Variants in SLC24A3 observed in about 807,000 individuals in gnomAD.
SLC24A3 encodes sodium/potassium/calcium exchanger 3.
Under a neutral mutation model 75.8 loss-of-function variants are expected in SLC24A3, and 28 were observed. That is an observed-to-expected ratio of 0.37 (90% confidence interval 0.27 to 0.51). The LOEUF (loss-of-function observed/expected upper bound fraction) is 0.51. Ranked by LOEUF, SLC24A3 falls within the 20% of genes least tolerant of loss-of-function variation. The probability of loss-of-function intolerance (pLI) is 0.94; values close to 1 mark genes in which losing one functional copy is unlikely to be tolerated. For missense variants in SLC24A3, 663 were observed against 847.8 expected, an observed-to-expected ratio of 0.78 and a Z score of 2.71; for synonymous variants, 372 against 334.1, an observed-to-expected ratio of 1.11 and a Z score of -1.24.
At chr20:19,362,334 G>C (rs1276765265) in intron 2 of SLC24A3, among the ~76,000 whole-genome samples, 2 of 152,198 alleles carry the variant, frequency 1.3e-5, no homozygotes, top group African/African-American at 4.8e-5. Context: ...TTTTGAGCTA[G>C]AGCTGCCTGA....
intron 1 of SLC24A3, among the ~76,000 whole-genome samples, chr20:19,251,656 C>T (rs1982657160): frequency 6.6e-6 from 1 of 152,166 alleles, no homozygotes; most frequent in Non-Finnish European, 1.5e-5. Context: ...GGGTATTGAT[C>T]CACCTAATTC....
chr20:19,717,300 A>T (rs759291394), intron 15 of SLC24A3, among the ~76,000 whole-genome samples: 5 of 152,164 alleles, frequency 3.3e-5, no homozygotes, highest in Non-Finnish European at 7.3e-5. Flanking sequence ...TAAGGCCAGG[A>T]TGGGACTGAG....
At chr20:19,698,944 C>T (rs2122146112) in intron 15 of SLC24A3, among the ~76,000 whole-genome samples, 1 of 152,312 alleles carries the variant, frequency 6.6e-6, no homozygotes, top group African/African-American at 2.4e-5. Flanking sequence ...GATGTTTATA[C>T]AGCTATTCAG....
intron 6 of SLC24A3, among the ~76,000 whole-genome samples, chr20:19,642,284 C>T (rs1166598320): frequency 6.6e-6 from 1 of 152,200 alleles, no homozygotes; most frequent in Non-Finnish European, 1.5e-5. Context: ...TTCACTGTTC[C>T]TTATGTATAT....
At chr20:19,262,822 C>G (rs2122197540) in intron 1 of SLC24A3, among the ~76,000 whole-genome samples, 1 of 152,182 alleles carries the variant, frequency 6.6e-6, no homozygotes, top group South Asian at 2.1e-4. Context: ...TAATACAGCT[C>G]TAACTTCAGC....
intron 1 of SLC24A3, among the ~76,000 whole-genome samples, chr20:19,269,714 T>G (rs376938114): frequency 1.3e-5 from 2 of 152,150 alleles, no homozygotes; most frequent in East Asian, 3.9e-4. Flanking sequence ...TGGTAGTGGG[T>G]GGGGTATGGC....
chr20:19,611,127 C>A (rs6136791), intron 6 of SLC24A3, among the ~76,000 whole-genome samples: 1 of 152,164 alleles, frequency 6.6e-6, no homozygotes, highest in South Asian at 2.1e-4. Context: ...CAGGACAGAC[C>A]TAGATCCAAG....
chr20:19,219,505 C>G (rs1049976112), intron 1 of SLC24A3, among the ~76,000 whole-genome samples: 1 of 152,088 alleles, frequency 6.6e-6, no homozygotes, highest in Non-Finnish European at 1.5e-5. Context: ...AGGTGCTGAA[C>G]AAGTAATTTT....
At chr20:19,678,631 C>T (rs545402083) in intron 9 of SLC24A3, among the ~76,000 whole-genome samples, 147 of 138,022 alleles carry the variant, frequency 1.1e-3, no homozygotes, top group African/African-American at 3.9e-3. Context: ...CGGCTGGCCC[C>T]GGGCGGGGGG....
At chr20:19,291,227 G>C (rs1290708027) in intron 2 of SLC24A3, among the ~76,000 whole-genome samples, 1 of 152,168 alleles carries the variant, frequency 6.6e-6, no homozygotes. Flanking sequence ...CTGGTGCTTC[G>C]GGGTGGAATG....
intron 2 of SLC24A3, among the ~76,000 whole-genome samples, chr20:19,385,901 T>G (rs1986264509): frequency 6.6e-6 from 1 of 152,178 alleles, no homozygotes; most frequent in Admixed American, 6.6e-5. Flanking sequence ...CCTTCCAAAC[T>G]GTTGGGATTA....
At chr20:19,242,071 C>G (rs779252563) in intron 1 of SLC24A3, among the ~76,000 whole-genome samples, 1 of 152,012 alleles carries the variant, frequency 6.6e-6, no homozygotes, top group Non-Finnish European at 1.5e-5. Context: ...TCAATGCTAT[C>G]AGATCTCCAT....
Position 19,291,097 on chromosome 20 carries a change from C to A in SLC24A3, c.271+10010C>A, listed in dbSNP as rs981929497. On this transcript the variant is annotated intron_variant, in intron 2 of 16. Transcript: ENST00000328041. ...TCAGTTGCCTCAGCACTTGCCACTC[C>A]CACCCACTCAGAAGCCAGGGCTGGC... is the stretch of plus-strand genomic sequence containing the variant. Among the ~76,000 whole-genome samples the A allele has an allele frequency of 4.9e-4, 74 of 152,168 alleles. 1 individual carries two copies. The highest frequency in any genetic ancestry group is 1.9e-4 in the Non-Finnish European group (13 of 68,030).
intron 2 of SLC24A3, among the ~76,000 whole-genome samples, chr20:19,447,073 GACAAACCCAAGA>G (rs1411908642): frequency 3.3e-5 from 5 of 152,132 alleles, no homozygotes; most frequent in Admixed American, 3.3e-4. Context: ...ATGGAACCTG[GACAAACCCAAGA>G]TAGATTTGAG....
chr20:19,516,006 T>C (rs1037889704), intron 3 of SLC24A3, among the ~76,000 whole-genome samples: 2 of 152,232 alleles, frequency 1.3e-5, no homozygotes, highest in East Asian at 1.9e-4. Flanking sequence ...GTAAGCCCCA[T>C]GAGAACAGGG....
intron 7 of SLC24A3, 104 bp from the exon 8 acceptor site, chr20:19,665,760 G>C: frequency 7.1e-7 from 1 of 1,398,982 alleles, no homozygotes; most frequent in Non-Finnish European, 9.5e-7. Context: ...ACCATCCCAG[G>C]AACAAGGTGG....
intron 8 of SLC24A3, among the ~76,000 whole-genome samples, chr20:19,670,766 T>C (rs1244728258): frequency 6.6e-6 from 1 of 152,194 alleles, no homozygotes; most frequent in Non-Finnish European, 1.5e-5. Context: ...AGAACTATGT[T>C]CAGGCCACTG....
At chr20:19,492,719 TG>T (rs918454759) in intron 2 of SLC24A3, among the ~76,000 whole-genome samples, 4 of 152,248 alleles carry the variant, frequency 2.6e-5, no homozygotes, top group Non-Finnish European at 5.9e-5. Context: ...CTGTATTTTT[TG>T]AAGCTAATTT....
At chr20:19,659,708 C>T (rs1046315637) in intron 7 of SLC24A3, among the ~76,000 whole-genome samples, 6 of 152,118 alleles carry the variant, frequency 3.9e-5, no homozygotes, top group African/African-American at 1.4e-4. Context: ...CTCGAGTTTG[C>T]CAGAGCAGGT....
Sources: gnomAD v4.1 joint callset for allele counts (sites outside exome capture counted in the v4.1 genomes callset) on GRCh38, gnomAD v4.1.1 for gene constraint, MANE v1.5 for transcripts, NCBI Gene and HGNC (gene_info 2026-07-23, HGNC 2026-07-21) for gene names.